The following TLCD2 variants were observed in gnomAD, a reference collection of about 807,000 sequenced individuals.
TLCD2 encodes TLC domain-containing protein 2.
A neutral mutation model predicts 14.0 loss-of-function variants in TLCD2; 12 were observed. The ratio of observed to expected loss-of-function variants is 0.86; its 90% confidence interval spans 0.55 to 1.39. TLCD2 has a LOEUF of 1.39. TLCD2 is among the 40% of genes most tolerant of loss of function. The pLI is 0.00. For missense variants in TLCD2, 360 were observed against 346.8 expected, an observed-to-expected ratio of 1.04 and a Z score of -0.30; for synonymous variants, 166 against 156.5, an observed-to-expected ratio of 1.06 and a Z score of -0.45.
chr17:1,710,258 G>A lies in TLCD2; in HGVS notation c.-16C>T. 1 of 1,508,596 alleles carries A rather than the reference G, an allele frequency of 6.6e-7. No individual in the cohort carries two copies. Among genetic ancestry groups the A allele is most frequent in the African/African-American group, 1.4e-5 (1 of 69,900 alleles). The allele number at this position is 1,508,596 out of a possible 1,614,324, so 93.5% of individuals were successfully genotyped here. ...TGGGCGCCATGGCCTGGCGGTTGGGGGGTTGCGGGGAGTCCGGGTCGGTCC... is the reference window on the plus strand; with the variant it reads ...TGGGCGCCATGGCCTGGCGGTTGGGAGGTTGCGGGGAGTCCGGGTCGGTCC... On this transcript the variant is annotated 5_prime_UTR_variant, in exon 1 of 4. Coordinates refer to ENST00000330676, the MANE Select transcript of TLCD2 (RefSeq NM_001164407.2). This position sits in a 1 kb window ranked among gnomAD's most constrained non-coding sequence, Gnocchi z 6.1.
rs566711491 is a variant in TLCD2 at position 1,707,397 on chromosome 17, T to C, written c.*373A>G. ...CCATACCAGATCTCTCTGATCCTAG[T>C]GGGACTTCACCTTCCCCCATCTGTC... On this transcript the variant is annotated 3_prime_UTR_variant, in exon 4 of 4. Coordinates refer to ENST00000330676, the MANE Select transcript of TLCD2 (RefSeq NM_001164407.2). 25 of 226,872 alleles carry C rather than the reference T, an allele frequency of 1.1e-4. 1 individual carries two copies. Among genetic ancestry groups the C allele is most frequent in the Non-Finnish European group, 1.7e-4 (20 of 115,838 alleles). The allele number at this position is 226,872 out of a possible 1,614,324, so 14.1% of individuals were successfully genotyped here. A position where few individuals can be genotyped will look rare whatever the true frequency, so the allele number is the denominator to read the frequency against.
rs528777109 is a variant in TLCD2 at position 1,709,998 on chromosome 17, C to T, written c.176+69G>A. The T allele has an allele frequency of 3.8e-5, 57 of 1,512,688 alleles. No individual in the cohort carries two copies. The East Asian group carries it at 1.3e-3, about 35-fold the overall frequency. The allele number at this position is 1,512,688 out of a possible 1,614,324, so 93.7% of individuals were successfully genotyped here. Reference sequence around the variant, plus strand: ...CAGTCTCAGCTCTGGAGACGCCCGGCGGGTCTCCCGGCCTCAGCCTCCCAC... The same window carrying T: ...CAGTCTCAGCTCTGGAGACGCCCGGTGGGTCTCCCGGCCTCAGCCTCCCAC... On this transcript the variant is annotated intron_variant, in intron 1 of 3. Coordinates refer to ENST00000330676, the MANE Select transcript of TLCD2 (RefSeq NM_001164407.2).
At position 1,707,638 on chromosome 17, in the gene TLCD2, A is replaced by T. The variant is rs962881512; in HGVS notation, c.*132T>A. On this transcript the variant is annotated 3_prime_UTR_variant, in exon 4 of 4. Transcript: ENST00000330676. ...GATCCGAGGAAGGGGAAGGGATGTG[A>T]GTTAGCTGGAAGAGAAACTGAGATT... 1 of 703,970 alleles carries T rather than the reference A, an allele frequency of 1.4e-6. No individual in the cohort carries two copies. 43.6% of individuals were successfully genotyped at this position (703,970 alleles called of 1,614,324 possible). A position where few individuals can be genotyped will look rare whatever the true frequency, so the allele number is the denominator to read the frequency against.
At chr17:1,709,775 C>A in intron 2 of TLCD2, 29 bp downstream of exon 2, 1 of 1,450,778 alleles carries the variant, frequency 6.9e-7, no homozygotes, top group South Asian at 1.2e-5. Context: ...CCATCCCCAC[C>A]ACCGGCCCAG....
intron 3 of TLCD2, 43 bp downstream of exon 3, chr17:1,709,456 C>T: frequency 1.4e-6 from 2 of 1,432,034 alleles, no homozygotes; most frequent in Non-Finnish European, 1.9e-6. Flanking sequence ...GGACAGGGCT[C>T]CCCTCCTCCC....
rs1913929498 is a variant in TLCD2, at chr17:1,703,198, C to G, written c.*4572G>C. The G allele has an allele frequency of 6.6e-6, 1 of 152,150 alleles. No homozygotes were observed. Among genetic ancestry groups the G allele is most frequent in the African/African-American group, 2.4e-5 (1 of 41,428 alleles). 9.4% of individuals were successfully genotyped at this position (152,150 alleles called of 1,614,324 possible). A position where few individuals can be genotyped will look rare whatever the true frequency, so the allele number is the denominator to read the frequency against. On this transcript the variant is annotated 3_prime_UTR_variant, in exon 4 of 4. Transcript: ENST00000330676. ...ACTCAGTTGTAATCACAATCCAGTC[C>G]TGCCTTCCTCAAGTTTCACTGGCTC... is the stretch of plus-strand genomic sequence containing the variant.
Position 1,710,323 on chromosome 17 carries a change from T to C in TLCD2, c.-81A>G. On this transcript the variant is annotated 5_prime_UTR_variant, in exon 1 of 4. Coordinates refer to ENST00000330676, the MANE Select transcript of TLCD2 (RefSeq NM_001164407.2). This position sits in a 1 kb window ranked among gnomAD's most constrained non-coding sequence, Gnocchi z 6.1. Reference sequence around the variant, plus strand: ...CTCTCGGCCGGGACTGGGAACCCGTTTCCCGGCAGGGCTGGGGCCCCGGCT... The same window carrying C: ...CTCTCGGCCGGGACTGGGAACCCGTCTCCCGGCAGGGCTGGGGCCCCGGCT... 1 of 1,312,296 alleles carries C rather than the reference T, an allele frequency of 7.6e-7. No individual in the cohort carries two copies. The allele number at this position is 1,312,296 out of a possible 1,614,324, so 81.3% of individuals were successfully genotyped here. A position where few individuals can be genotyped will look rare whatever the true frequency, so the allele number is the denominator to read the frequency against.
At position 1,706,637 on chromosome 17, in the gene TLCD2, T is replaced by C. The variant is rs1914042435; in HGVS notation, c.*1133A>G. 6.7e-6 allele frequency: 1 copy of C among 149,778 alleles called. No individual in the cohort carries two copies. The highest frequency in any genetic ancestry group is 2.5e-5 in the African/African-American group (1 of 40,572). The allele number at this position is 149,778 out of a possible 1,614,324, so 9.3% of individuals were successfully genotyped here. A position where few individuals can be genotyped will look rare whatever the true frequency, so the allele number is the denominator to read the frequency against. Reference sequence around the variant, plus strand: ...CAAAAATTAGCCTGGTGCAGTGGCGTGCACCTGTAGTCCCAGCTACTTGGG... The same window carrying C: ...CAAAAATTAGCCTGGTGCAGTGGCGCGCACCTGTAGTCCCAGCTACTTGGG... On this transcript the variant is annotated 3_prime_UTR_variant, in exon 4 of 4. Coordinates refer to ENST00000330676, the MANE Select transcript of TLCD2 (RefSeq NM_001164407.2).
In TLCD2 at chr17:1,705,164, A is replaced by C. The variant is rs549003113; in HGVS notation, c.*2606T>G. The stretch of plus-strand genomic sequence containing the variant: ...GACCGGTTACTGTCAGCCTGTCTTT[A>C]GGGTTTGCGCTGCAGCTGTTTGTCC... On this transcript the variant is annotated 3_prime_UTR_variant, in exon 4 of 4. Coordinates refer to ENST00000330676, the MANE Select transcript of TLCD2 (RefSeq NM_001164407.2). 1 of 152,220 alleles carries C rather than the reference A, an allele frequency of 6.6e-6. No individual in the cohort carries two copies. Among genetic ancestry groups the C allele is most frequent in the East Asian group, 1.9e-4 (1 of 5,152 alleles). The allele number at this position is 152,220 out of a possible 1,614,324, so 9.4% of individuals were successfully genotyped here.
Position 1,707,539 on chromosome 17 carries a change from A to G in TLCD2, c.*231T>C. ...CTCTTGAGTTTATTTGCTGGAAAGGATGCTCATCTGATGACGGATTTCAGT... is the reference window on the plus strand; with the variant it reads ...CTCTTGAGTTTATTTGCTGGAAAGGGTGCTCATCTGATGACGGATTTCAGT... On this transcript the variant is annotated 3_prime_UTR_variant, in exon 4 of 4. Transcript: ENST00000330676. 2.0e-6 allele frequency: 1 copy of G among 489,944 alleles called. No homozygotes were observed. Among genetic ancestry groups the G allele is most frequent in the Middle Eastern group, 5.1e-4 (1 of 1,946 alleles). 30.3% of individuals were successfully genotyped at this position (489,944 alleles called of 1,614,324 possible). A position where few individuals can be genotyped will look rare whatever the true frequency, so the allele number is the denominator to read the frequency against.
At position 1,707,970 on chromosome 17, in the gene TLCD2, G is replaced by A. The variant is rs765627526; in HGVS notation, c.595C>T (p.Leu199=). 4.0e-5 allele frequency: 61 copies of A among 1,537,174 alleles called. No individual in the cohort carries two copies. Among genetic ancestry groups the A allele is most frequent in the Non-Finnish European group, 5.1e-5 (59 of 1,146,934 alleles). ...FRQHHQVPLA[L]VTLGGIGLVT... is the part of the protein sequence containing the mutation. ...AGCCCAATTCCACCCAGGGTGACCA[G>A]AGCAAGAGGAACCTGGTGGTGCTGC... Residue 199 remains leucine (L), a synonymous_variant, in exon 4 of 4, where the codon CTG becomes TTG. Transcript: ENST00000330676.
In TLCD2 at chr17:1,710,172, C is replaced by T. The variant is rs1157352016; in HGVS notation, c.71G>A (p.Arg24Gln). ...LAFRGLHWGL[R>Q]RLPTPESAAR... ...GGCCGATTCCGGCGTGGGCAGCCGC[C>T]GCAACCCCCAGTGCAGCCCCCGGAA... The change falls in exon 1 of 4, where the codon CGG (arginine) becomes CAG (glutamine). Residue 24 changes from arginine (R) to glutamine (Q), a missense_variant. Transcript: ENST00000330676. This position sits in a 1 kb window ranked among gnomAD's most constrained non-coding sequence, Gnocchi z 6.1. The T allele has an allele frequency of 8.5e-6, 13 of 1,532,968 alleles. No individual in the cohort carries two copies. Among genetic ancestry groups the T allele is most frequent in the East Asian group, 2.4e-5 (1 of 40,864 alleles). The allele number at this position is 1,532,968 out of a possible 1,614,324, so 95.0% of individuals were successfully genotyped here.
chr17:1,709,956 T>C, intron 1 of TLCD2, 70 bp from the exon 2 acceptor site: 1 of 1,509,492 alleles, frequency 6.6e-7, no homozygotes. Flanking sequence ...GCAGTCTCCC[T>C]GTGCGCACCC....
chr17:1,708,075 C>T lies in TLCD2; in HGVS notation c.490G>A (p.Val164Met), dbSNP rs778757726. ...GTGGCCAAGGAGGCCCAGCTGGTCA[C>T]GCTGAAGGCCAGGGATGGGGCCTGG... ...SRQAPSLAFS[V>M]TSWASLATLA... The change falls in exon 4 of 4, where the codon GTG (valine) becomes ATG (methionine). Residue 164 changes from valine (V) to methionine (M), a missense_variant. Physicochemically the swap from Val to Met is conservative, Grantham distance 21 (BLOSUM62 1). Transcript: ENST00000330676. 7.9e-5 allele frequency: 121 copies of T among 1,537,088 alleles called. No individual in the cohort carries two copies. Among genetic ancestry groups the T allele is most frequent in the Middle Eastern group, 1.7e-4 (1 of 6,012 alleles).
rs1597265472 is a variant in TLCD2, at chr17:1,707,160, C to G, written c.*610G>C. On this transcript the variant is annotated 3_prime_UTR_variant, in exon 4 of 4. Coordinates refer to ENST00000330676, the MANE Select transcript of TLCD2 (RefSeq NM_001164407.2). ...CCAGCCTGGGTGACAGAGTAAGATT[C>G]CGTCTCATAAAAAAAAAGAAAAAGA... is the stretch of plus-strand genomic sequence containing the variant. 1 of 151,778 alleles carries G rather than the reference C, an allele frequency of 6.6e-6. No homozygotes were observed. The highest frequency in any genetic ancestry group is 1.9e-4 in the East Asian group (1 of 5,176). 9.4% of individuals were successfully genotyped at this position (151,778 alleles called of 1,614,324 possible). A position where few individuals can be genotyped will look rare whatever the true frequency, so the allele number is the denominator to read the frequency against.
At position 1,705,407 on chromosome 17, in the gene TLCD2, CTA is replaced by C. The variant is rs2151143878; in HGVS notation, c.*2361_*2362del. 1 of 152,638 alleles carries C rather than the reference CTA, an allele frequency of 6.6e-6. No homozygotes were observed. The highest frequency in any genetic ancestry group is 1.5e-5 in the Non-Finnish European group (1 of 68,236). The allele number at this position is 152,638 out of a possible 1,614,324, so 9.5% of individuals were successfully genotyped here. ...TGGGTGTTTCTCCTTGTCACTCACT[CTA>C]TTTCACTGTCTAGACTCTCTGTGCC... On this transcript the variant is annotated 3_prime_UTR_variant, in exon 4 of 4. Coordinates refer to ENST00000330676, the MANE Select transcript of TLCD2 (RefSeq NM_001164407.2).
At position 1,709,964 on chromosome 17, in the gene TLCD2, C is replaced by A. The variant is rs887397960; in HGVS notation, c.177-78G>T. 4.0e-6 allele frequency: 6 copies of A among 1,508,210 alleles called. No individual in the cohort carries two copies. The East Asian group carries it at 9.8e-5, about 25-fold the overall frequency. The allele number at this position is 1,508,210 out of a possible 1,614,324, so 93.4% of individuals were successfully genotyped here. On this transcript the variant is annotated intron_variant, in intron 1 of 3. Coordinates refer to ENST00000330676, the MANE Select transcript of TLCD2 (RefSeq NM_001164407.2). ...CCCGGCCGCAGTCTCCCTGTGCGCACCCCCACCCCAGTCTCAGCTCTGGAG... is the reference window on the plus strand; with the variant it reads ...CCCGGCCGCAGTCTCCCTGTGCGCAACCCCACCCCAGTCTCAGCTCTGGAG...
intron 3 of TLCD2, 23 bp from the exon 4 acceptor site, chr17:1,708,245 A>G: frequency 6.7e-7 from 1 of 1,494,168 alleles, no homozygotes; most frequent in South Asian, 1.3e-5. Context: ...GTCACAGGTC[A>G]GAGGAACCCC....
intron 2 of TLCD2, 80 bp from the exon 3 acceptor site, chr17:1,709,661 C>A (rs1404280894): frequency 3.1e-5 from 41 of 1,305,256 alleles, no homozygotes; most frequent in Non-Finnish European, 2.8e-5. Flanking sequence ...CCGCCCCGCC[C>A]CTCTCCCAGT....
Sources: gnomAD v4.1 joint callset for allele counts on GRCh38, gnomAD v4.1.1 for gene constraint, Gnocchi (gnomAD v3.1) non-coding constraint, MANE v1.5 for transcripts, NCBI Gene and HGNC (gene_info 2026-07-23, HGNC 2026-07-21) for gene names.